The following NDRG1 variants were observed in gnomAD, a reference collection of about 807,000 sequenced individuals.
NDRG1 encodes N-myc downstream regulated 1.
Under a neutral mutation model 56.9 loss-of-function variants are expected in NDRG1, and 32 were observed. The ratio of observed to expected loss-of-function variants is 0.56; its 90% CI spans 0.42 to 0.76. The LOEUF (loss-of-function observed/expected upper bound fraction) is 0.76, where lower values mean the gene tolerates loss of function less well. Ranked by LOEUF, NDRG1 falls within the 30% of genes least tolerant of loss-of-function variation. The pLI is 0.00. For missense variants in NDRG1, 507 were observed against 545.7 expected (o/e 0.93, Z 0.71); for synonymous variants, 211 against 204.1 (o/e 1.03, Z -0.29).
intron 9 of NDRG1, among the ~76,000 whole-genome samples, chr8:133,252,796 CT>C (rs1250526764): frequency 6.6e-6 from 1 of 150,504 alleles, no homozygotes; most frequent in African/African-American, 2.5e-5. Context: ...CTCTATTCCC[CT>C]CGTACACTCG....
At chr8:133,240,382 CA>C (rs1855312723) in intron 15 of NDRG1, 1 of 152,170 alleles carries the variant, frequency 6.6e-6, no homozygotes, top group African/African-American at 2.4e-5. Context: ...CAGGCACTCC[CA>C]AACAGAATTA....
intron 10 of NDRG1, among the ~76,000 whole-genome samples, chr8:133,250,080 A>G (rs1855928133): frequency 6.6e-6 from 1 of 152,238 alleles, no homozygotes; most frequent in African/African-American, 2.4e-5. Flanking sequence ...CCCGGCCTCC[A>G]GGAGTGCTTT....
intron 3 of NDRG1, among the ~76,000 whole-genome samples, chr8:133,276,704 A>C (rs1857473417): frequency 6.6e-6 from 1 of 152,234 alleles, no homozygotes; most frequent in Non-Finnish European, 1.5e-5. Context: ...TTCTGCCATG[A>C]ATGTGAGGCC....
In NDRG1 at chr8:133,287,707, C is replaced by T. The variant is rs150843383; in HGVS notation, c.-18-3378G>A. Among the ~76,000 whole-genome samples the T allele has an allele frequency of 5.6e-3, 852 of 152,332 alleles. 5 individuals carry two copies. The highest frequency in any genetic ancestry group is 0.014 in the South Asian group (67 of 4,832). On this transcript the variant is annotated intron_variant, in intron 1 of 15. Transcript: ENST00000323851. ...CCACAAGCAGCCTCTGCCTTAGGGG[C>T]TGCCCTGAGCACGGGAGGAGGCTCA...
intron 5 of NDRG1, among the ~76,000 whole-genome samples, chr8:133,260,555 A>G (rs1856611192): frequency 6.6e-6 from 1 of 152,124 alleles, no homozygotes; most frequent in Non-Finnish European, 1.5e-5. Flanking sequence ...CACCAGGGGG[A>G]ACTAAGAGTC....
rs1855199367 is a variant in NDRG1 at position 133,238,704 on chromosome 8, G to C, written c.*174C>G. Reference sequence around the variant, plus strand: ...GGTCCACCGCCACCCCGCCTTTGGAGAGGGCACCCACGTAATAGACCTCAT... The same window carrying C: ...GGTCCACCGCCACCCCGCCTTTGGACAGGGCACCCACGTAATAGACCTCAT... On this transcript the variant is annotated 3_prime_UTR_variant, in exon 16 of 16. Coordinates refer to ENST00000323851, the MANE Select transcript of NDRG1 (RefSeq NM_006096.4). 1.3e-6 allele frequency: 1 copy of C among 778,884 alleles called. No homozygotes were observed. 48.2% of individuals were successfully genotyped at this position (778,884 alleles called of 1,614,324 possible). A position where few individuals can be genotyped will look rare whatever the true frequency, so the allele number is the denominator to read the frequency against.
At chr8:133,247,978 T>G (rs750995600) in intron 11 of NDRG1, 52 bp from the exon 12 acceptor site, 1 of 1,586,154 alleles carries the variant, frequency 6.3e-7, no homozygotes, top group Non-Finnish European at 8.7e-7. Flanking sequence ...TTAAAGATTG[T>G]CCCACTCCCA....
At chr8:133,257,560 G>A (rs1856448711) in intron 7 of NDRG1, among the ~76,000 whole-genome samples, 4 of 152,062 alleles carry the variant, frequency 2.6e-5, no homozygotes, top group South Asian at 2.1e-4. Flanking sequence ...GCTAAGTATT[G>A]ATGTATCTAA....
chr8:133,271,151 G>A (rs1199944607), intron 3 of NDRG1, among the ~76,000 whole-genome samples: 3 of 152,160 alleles, frequency 2.0e-5, no homozygotes, highest in African/African-American at 7.2e-5. Context: ...AGCAGGCCCT[G>A]GGCAGATGCC....
intron 1 of NDRG1, among the ~76,000 whole-genome samples, chr8:133,289,951 C>T (rs907264911): frequency 1.3e-5 from 2 of 152,234 alleles, no homozygotes; most frequent in Non-Finnish European, 2.9e-5. Flanking sequence ...GGAGATCACG[C>T]TGTCCACAAC....
intron 1 of NDRG1, chr8:133,284,972 G>A (rs1417137669): frequency 5.0e-6 from 2 of 397,246 alleles, no homozygotes; most frequent in Non-Finnish European, 1.0e-5. Flanking sequence ...GTACAATTTT[G>A]TAAGAAAAAA....
chr8:133,278,813 G>A (rs1020316272), intron 3 of NDRG1, among the ~76,000 whole-genome samples: 10 of 151,886 alleles, frequency 6.6e-5, no homozygotes, highest in Admixed American at 6.6e-4. Context: ...GTGAGGCCCA[G>A]AGTCTGGCAC....
chr8:133,262,041 T>G lies in NDRG1; in HGVS notation c.326+6A>C, dbSNP rs1453866000. ...TGTAGAGCTCATAGGGCAAGAGGCCTCTCACCCTGCGGGGAAGGAGGCTGC... is the reference window on the plus strand; with the variant it reads ...TGTAGAGCTCATAGGGCAAGAGGCCGCTCACCCTGCGGGGAAGGAGGCTGC... On this transcript the variant is annotated splice_donor_region_variant and intron_variant, in intron 5 of 15. Transcript: ENST00000323851. 8 of 1,609,718 alleles carry G rather than the reference T, an allele frequency of 5.0e-6. No individual in the cohort carries two copies. The highest frequency in any genetic ancestry group is 6.8e-6 in the Non-Finnish European group (8 of 1,177,566).
chr8:133,248,185 GTTAAGCAGGAC>G (rs1855799692), intron 11 of NDRG1, among the ~76,000 whole-genome samples: 1 of 152,192 alleles, frequency 6.6e-6, no homozygotes, highest in Admixed American at 6.5e-5. Flanking sequence ...CTCAAGGATG[GTTAAGCAGGAC>G]TTAGCTGGCA....
chr8:133,277,875 G>C (rs1857546567), intron 3 of NDRG1, among the ~76,000 whole-genome samples: 1 of 152,144 alleles, frequency 6.6e-6, no homozygotes, highest in Non-Finnish European at 1.5e-5. Context: ...TTTCACAGGT[G>C]GGGAAACAGA....
intron 11 of NDRG1, 64 bp from the exon 12 acceptor site, chr8:133,247,990 G>A (rs1564282733): frequency 6.6e-7 from 1 of 1,520,086 alleles, no homozygotes; most frequent in African/African-American, 1.4e-5. Context: ...CCACTCCCAG[G>A]CCTGCCAGGC....
intron 5 of NDRG1, 151 bp downstream of exon 5, chr8:133,261,896 T>C: frequency 8.8e-7 from 1 of 1,134,614 alleles, no homozygotes; most frequent in South Asian, 1.9e-5. Context: ...TTTTATGTTA[T>C]GTATCTTTTC....
rs1855147484 is a variant in NDRG1, at chr8:133,237,915, C to T, written c.*963G>A. On this transcript the variant is annotated 3_prime_UTR_variant, in exon 16 of 16. Transcript: ENST00000323851. ...AGGAATCCCTTACATCGAGTAACCC[C>T]AATTCCACCCCCACCCCAGTGCTCC... The T allele has an allele frequency of 4.3e-6, 1 of 233,072 alleles. No individual in the cohort carries two copies. The highest frequency in any genetic ancestry group is 8.5e-6 in the Non-Finnish European group (1 of 117,978). The allele number at this position is 233,072 out of a possible 1,614,324, so 14.4% of individuals were successfully genotyped here. A position where few individuals can be genotyped will look rare whatever the true frequency, so the allele number is the denominator to read the frequency against.
In NDRG1 at chr8:133,261,934, T is replaced by C; in HGVS notation, c.326+113A>G. ...ACAATTTAAAAAGTGCTTAAGATGATACGTTTTATATTTTACCACAGTTAA... is the reference window on the plus strand; with the variant it reads ...ACAATTTAAAAAGTGCTTAAGATGACACGTTTTATATTTTACCACAGTTAA... On this transcript the variant is annotated intron_variant, in intron 5 of 15. Coordinates refer to ENST00000323851, the MANE Select transcript of NDRG1 (RefSeq NM_006096.4). The C allele has an allele frequency of 4.3e-6, 6 of 1,391,462 alleles. No individual in the cohort carries two copies. The South Asian group carries it at 4.6e-5, about 11-fold the overall frequency. The allele number at this position is 1,391,462 out of a possible 1,614,324, so 86.2% of individuals were successfully genotyped here.
Sources: gnomAD v4.1 joint callset for allele counts (sites outside exome capture counted in the v4.1 genomes callset) on GRCh38, gnomAD v4.1.1 for gene constraint, MANE v1.5 for transcripts, NCBI Gene and HGNC (gene_info 2026-07-23, HGNC 2026-07-21) for gene names.